MPPED2: variants seen among roughly 807,000 people sequenced by gnomAD.
MPPED2 encodes the protein metallophosphoesterase MPPED2.
Under a neutral mutation model 33.0 loss-of-function variants are expected in MPPED2, and 5 were observed. That is an observed-to-expected ratio of 0.15 (90% CI 0.08 to 0.32). The LOEUF is 0.32. MPPED2 is among the 10% of genes least tolerant of loss of function. MPPED2 has a pLI of 1.00. For synonymous variants in MPPED2, 136 were observed against 141.9 expected (o/e 0.96, Z 0.29); for missense variants, 275 against 372.1 (o/e 0.74, Z 2.15).
intron 1 of MPPED2, among the ~76,000 whole-genome samples, chr11:30,580,813 A>G (rs761858316): frequency 2.6e-5 from 4 of 152,216 alleles, no homozygotes; most frequent in Non-Finnish European, 5.9e-5. Context: ...CTGGCTATAC[A>G]TGGTTTGTGC....
At chr11:30,538,478 G>T (rs1322466371) in intron 2 of MPPED2, among the ~76,000 whole-genome samples, 1 of 152,028 alleles carries the variant, frequency 6.6e-6, no homozygotes, top group Non-Finnish European at 1.5e-5. Flanking sequence ...TCCTCATCTT[G>T]ACTTCATACT....
chr11:30,512,358 T>C (rs1409854351), intron 3 of MPPED2, among the ~76,000 whole-genome samples: 1 of 152,164 alleles, frequency 6.6e-6, no homozygotes, highest in African/African-American at 2.4e-5. Flanking sequence ...TAGGAAGCCA[T>C]GGCACCTAAT....
intron 4 of MPPED2, among the ~76,000 whole-genome samples, chr11:30,454,491 T>A (rs1416448026): frequency 6.6e-6 from 1 of 151,866 alleles, no homozygotes; most frequent in East Asian, 1.9e-4. Context: ...AATTATAAAT[T>A]TTTTTTTACA....
chr11:30,410,670 A>G lies in MPPED2; in HGVS notation c.*798T>C, dbSNP rs1948070305. The G allele has an allele frequency of 2.0e-6, 2 of 985,458 alleles. No homozygotes were observed. The highest frequency in any genetic ancestry group is 4.7e-5 in the South Asian group (1 of 21,284). The allele number at this position is 985,458 out of a possible 1,614,324, so 61.0% of individuals were successfully genotyped here. A position where few individuals can be genotyped will look rare whatever the true frequency, so the allele number is the denominator to read the frequency against. ...CTTTGCAGTTGTACTGTCCTTGACA[A>G]TAATAAACTCCTAACGTAGTCATAA... On this transcript the variant is annotated 3_prime_UTR_variant, in exon 7 of 7. Transcript: ENST00000358117.
intron 3 of MPPED2, among the ~76,000 whole-genome samples, chr11:30,523,961 G>A (rs551388232): frequency 6.6e-6 from 1 of 152,244 alleles, no homozygotes; most frequent in South Asian, 2.1e-4. Flanking sequence ...CAAGAAGAGA[G>A]AACAAGGGGC....
intron 4 of MPPED2, among the ~76,000 whole-genome samples, chr11:30,493,778 G>A (rs752762714): frequency 6.6e-6 from 1 of 152,076 alleles, no homozygotes; most frequent in Non-Finnish European, 1.5e-5. Flanking sequence ...CAAACTATCC[G>A]ATATTCTCTT....
chr11:30,510,387 A>AAGATG (rs1341917620), intron 3 of MPPED2, among the ~76,000 whole-genome samples: 5 of 152,200 alleles, frequency 3.3e-5, no homozygotes, highest in Non-Finnish European at 5.9e-5. Flanking sequence ...TTCTTCCATG[A>AAGATG]TACTAACATC....
chr11:30,473,522 G>C (rs965431026), intron 4 of MPPED2, among the ~76,000 whole-genome samples: 2 of 152,094 alleles, frequency 1.3e-5, no homozygotes, highest in Admixed American at 6.5e-5. Flanking sequence ...CAGCCTCTAA[G>C]ATGATGGGTA....
chr11:30,442,589 T>A (rs914473751), intron 4 of MPPED2, among the ~76,000 whole-genome samples: 1 of 152,202 alleles, frequency 6.6e-6, no homozygotes, highest in Non-Finnish European at 1.5e-5. Context: ...TGTGTATAGC[T>A]ATCGAACAGT....
At chr11:30,575,664 A>C (rs1956897917) in intron 2 of MPPED2, among the ~76,000 whole-genome samples, 1 of 152,246 alleles carries the variant, frequency 6.6e-6, no homozygotes, top group South Asian at 2.1e-4. Flanking sequence ...AGGAAGTCTA[A>C]GAAACTGACT....
intron 4 of MPPED2, chr11:30,429,205 C>A (rs1416472918): frequency 1.3e-5 from 2 of 152,142 alleles, no homozygotes; most frequent in Admixed American, 6.5e-5. Flanking sequence ...AAGGCTCTAG[C>A]AAGATTGTCA....
chr11:30,466,750 C>T (rs1950722708), intron 4 of MPPED2, among the ~76,000 whole-genome samples: 1 of 152,186 alleles, frequency 6.6e-6, no homozygotes, highest in African/African-American at 2.4e-5. Flanking sequence ...TCAACTGAAA[C>T]AGTGCTTTGT....
At chr11:30,572,921 G>T (rs1216180052) in intron 2 of MPPED2, among the ~76,000 whole-genome samples, 1 of 152,164 alleles carries the variant, frequency 6.6e-6, no homozygotes, top group Non-Finnish European at 1.5e-5. Context: ...CTGTTAAAAG[G>T]GGAAGAGATG....
chr11:30,394,110 C>G (rs1480094140), intron 6 of MPPED2, among the ~76,000 whole-genome samples: 1 of 152,112 alleles, frequency 6.6e-6, no homozygotes, highest in African/African-American at 2.4e-5. Flanking sequence ...TAGTTTGTTC[C>G]TTTTTATTAC....
rs1156325681 is a variant in MPPED2, at chr11:30,506,814, A to G, written c.311-11293T>C. On this transcript the variant is annotated intron_variant, in intron 3 of 6. Transcript: ENST00000358117. Reference sequence around the variant, plus strand: ...TTGTAATAACTACTGTCATTTTTGCATGCTGAAATAACATTTGGGCAGATG... The same window carrying G: ...TTGTAATAACTACTGTCATTTTTGCGTGCTGAAATAACATTTGGGCAGATG... Among the ~76,000 whole-genome samples, 3 of 152,338 alleles carry G rather than the reference A, an allele frequency of 2.0e-5. No homozygotes were observed. In the East Asian group the frequency reaches 5.8e-4, roughly 29 times the overall value.
chr11:30,573,439 A>G (rs1590911072), intron 2 of MPPED2, among the ~76,000 whole-genome samples: 2 of 152,216 alleles, frequency 1.3e-5, no homozygotes, highest in Admixed American at 1.3e-4. Context: ...ACTTATTAAA[A>G]AAACAAAAAC....
intron 4 of MPPED2, among the ~76,000 whole-genome samples, chr11:30,422,740 G>A (rs1302623781): frequency 6.6e-6 from 1 of 152,076 alleles, no homozygotes; most frequent in Non-Finnish European, 1.5e-5. Flanking sequence ...ATACCACATG[G>A]GAACCAACTT....
In MPPED2 at chr11:30,494,760, AGAAAG is replaced by A. The variant is rs1297322824; in HGVS notation, c.536+531_536+535del. ...CTCAAAAAAAAAAAAAAAAAAAAAA[AGAAAG>A]AAAGAAAGAAAGAAAAGAGAAGAAA... On this transcript the variant is annotated intron_variant, in intron 4 of 6. Coordinates refer to ENST00000358117, the MANE Select transcript of MPPED2 (RefSeq NM_001584.3). Among the ~76,000 whole-genome samples the A allele has an allele frequency of 3.1e-3, 403 of 128,016 alleles. 3 individuals are homozygous for A. The highest frequency in any genetic ancestry group is 0.011 in the African/African-American group (357 of 32,662). The allele number at this position is 128,016 out of a possible 152,430, so 84.0% of individuals were successfully genotyped here.
chr11:30,578,478 C>T (rs1436307861), intron 2 of MPPED2, among the ~76,000 whole-genome samples: 1 of 152,068 alleles, frequency 6.6e-6, no homozygotes, highest in African/African-American at 2.4e-5. Flanking sequence ...TTTGTTATGG[C>T]TAGATAAAAG....
Sources: allele counts gnomAD v4.1 joint callset (sites outside exome capture counted in the v4.1 genomes callset), GRCh38; gene constraint gnomAD v4.1.1; transcripts MANE v1.5; gene names NCBI Gene and HGNC (gene_info 2026-07-23, HGNC 2026-07-21).